The following ERC2 variants were observed in gnomAD, a reference collection of about 807,000 sequenced individuals.
The protein encoded by ERC2 is ERC protein 2.
ERC2 carries 42 observed loss-of-function variants against 114.8 expected under a neutral mutation model. The ratio of observed to expected loss-of-function variants is 0.37; its 90% CI spans 0.29 to 0.47. The LOEUF is 0.47. Among genes scored for constraint, ERC2 ranks in the 20% least tolerant of loss-of-function variants. The pLI, the probability that ERC2 is intolerant of heterozygous loss-of-function variation, is 0.99. For synonymous variants in ERC2, 454 were observed against 425.5 expected (o/e 1.07, Z -0.82); for missense variants, 939 against 1,150.7 (o/e 0.82, Z 2.66).
intron 3 of ERC2, among the ~76,000 whole-genome samples, chr3:56,202,100 CA>C (rs1383152751): frequency 1.3e-5 from 2 of 152,162 alleles, no homozygotes; most frequent in African/African-American, 4.8e-5. Context: ...GAGCACAGCA[CA>C]AGGTTTTAGC....
chr3:55,942,349 CG>C (rs1176966263), intron 13 of ERC2, among the ~76,000 whole-genome samples: 1 of 113,958 alleles, frequency 8.8e-6, no homozygotes, highest in African/African-American at 3.3e-5. Context: ...AGTGCAGTGG[CG>C]GGATCTCGGC....
At chr3:56,263,405 G>GA (rs1043917645) in intron 3 of ERC2, among the ~76,000 whole-genome samples, 105 of 150,662 alleles carry the variant, frequency 7.0e-4, no homozygotes, top group African/African-American at 2.5e-3. Context: ...AAAATAATAG[G>GA]AAGAACAGTT....
chr3:56,158,665 A>G (rs1165054702), intron 4 of ERC2, among the ~76,000 whole-genome samples: 1 of 152,170 alleles, frequency 6.6e-6, no homozygotes, highest in East Asian at 1.9e-4. Flanking sequence ...GTAAGCAGCA[A>G]GCAAAATTCT....
At chr3:55,771,815 C>T (rs1310978949) in intron 14 of ERC2, among the ~76,000 whole-genome samples, 3 of 152,224 alleles carry the variant, frequency 2.0e-5, no homozygotes, top group Non-Finnish European at 4.4e-5. Flanking sequence ...AGGCTCTCCA[C>T]CTGTAATGGG....
chr3:56,228,935 C>T (rs2050428734), intron 3 of ERC2, among the ~76,000 whole-genome samples: 3 of 152,072 alleles, frequency 2.0e-5, no homozygotes. Context: ...GGTTCCAGTT[C>T]ATGTTTTTGT....
intron 17 of ERC2, among the ~76,000 whole-genome samples, chr3:55,670,505 G>A (rs1167242402): frequency 1.3e-5 from 2 of 152,204 alleles, no homozygotes; most frequent in Admixed American, 6.5e-5. Context: ...TCACCATGGG[G>A]AATGCAATGT....
chr3:56,093,195 T>C (rs1208941987), intron 6 of ERC2, among the ~76,000 whole-genome samples: 1 of 152,222 alleles, frequency 6.6e-6, no homozygotes, highest in Non-Finnish European at 1.5e-5. Context: ...AGCGTTCTTA[T>C]GTTGTCTGTT....
At chr3:56,340,444 T>C (rs1201016974) in intron 2 of ERC2, among the ~76,000 whole-genome samples, 2 of 151,866 alleles carry the variant, frequency 1.3e-5, no homozygotes, top group Non-Finnish European at 2.9e-5. Context: ...TGAAATTAGG[T>C]AGCAATATTG....
At chr3:56,164,562 A>C (rs763919622) in intron 4 of ERC2, among the ~76,000 whole-genome samples, 1 of 152,012 alleles carries the variant, frequency 6.6e-6, no homozygotes, top group Non-Finnish European at 1.5e-5. Flanking sequence ...ACACTTGTGG[A>C]TAGTGTTTTG....
At chr3:55,695,191 A>T (rs934664990) in intron 16 of ERC2, among the ~76,000 whole-genome samples, 14 of 152,212 alleles carry the variant, frequency 9.2e-5, no homozygotes, top group Non-Finnish European at 1.9e-4. Context: ...GTAACCTAAG[A>T]AAAATCTCTA....
chr3:56,040,619 G>C (rs371846254), intron 7 of ERC2, among the ~76,000 whole-genome samples: 10 of 1,432 alleles, frequency 7.0e-3, no homozygotes, highest in African/African-American at 0.014. Flanking sequence ...ATAATATATA[G>C]ATGTATATGT....
chr3:55,739,493 C>A (rs1389757090), intron 14 of ERC2, among the ~76,000 whole-genome samples: 1 of 152,190 alleles, frequency 6.6e-6, no homozygotes, highest in Non-Finnish European at 1.5e-5. Flanking sequence ...TTTTGATTTG[C>A]ATTTCTCTGA....
intron 4 of ERC2, among the ~76,000 whole-genome samples, chr3:56,150,357 A>C (rs567278489): frequency 6.6e-6 from 1 of 152,284 alleles, no homozygotes; most frequent in African/African-American, 2.4e-5. Context: ...TCCTATGGCA[A>C]TATAGTAATT....
At chr3:56,129,675 T>C in intron 6 of ERC2, among the ~76,000 whole-genome samples, 1 of 152,216 alleles carries the variant, frequency 6.6e-6, no homozygotes, top group Non-Finnish European at 1.5e-5. Context: ...ATTGGCTAAT[T>C]GGATATTGTC....
chr3:56,306,908 A>C lies in ERC2; in HGVS notation c.658-10473T>G, dbSNP rs190736738. Among the ~76,000 whole-genome samples, 3 of 152,324 alleles carry C rather than the reference A, an allele frequency of 2.0e-5. No homozygotes were observed. In the East Asian group the frequency reaches 5.8e-4, roughly 29 times the overall value. Reference sequence around the variant, plus strand: ...ATGCAAGACCTACCTTACGTCACAGAGTACACACAAATCATAACTTCAGTG... The same window carrying C: ...ATGCAAGACCTACCTTACGTCACAGCGTACACACAAATCATAACTTCAGTG... On this transcript the variant is annotated intron_variant, in intron 2 of 17. Transcript: ENST00000288221.
At chr3:55,724,693 A>G (rs569061196) in intron 15 of ERC2, among the ~76,000 whole-genome samples, 112 of 152,320 alleles carry the variant, frequency 7.4e-4, no homozygotes, top group African/African-American at 2.6e-3. Context: ...TAGAAAAACA[A>G]TGATGAAAAG....
chr3:55,934,017 TA>T (rs371492643), intron 13 of ERC2, among the ~76,000 whole-genome samples: 26 of 152,180 alleles, frequency 1.7e-4, no homozygotes, highest in African/African-American at 6.3e-4. Flanking sequence ...CAAGCAAAAT[TA>T]AGGAGGCCAT....
In ERC2 at chr3:55,942,266, CTTTTTTTTTTTTTTTTT is replaced by C. The variant is rs56851837; in HGVS notation, c.2403+8142_2403+8158del. Among the ~76,000 whole-genome samples the C allele has an allele frequency of 5.0e-3, 212 of 42,104 alleles. 1 individual carries two copies. Among genetic ancestry groups the C allele is most frequent in the African/African-American group, 0.017 (198 of 11,856 alleles). The allele number at this position is 42,104 out of a possible 152,430, so 27.6% of individuals were successfully genotyped here. On this transcript the variant is annotated intron_variant, in intron 13 of 17. Transcript: ENST00000288221. ...TATTAAATGAAGTCTAAGGTCCTTT[CTTTTTTTTTTTTTTTTT>C]TTTTTTTTTTTTTTTTTTTTGTTGA...
At chr3:56,024,743 G>A (rs1276228586) in intron 7 of ERC2, among the ~76,000 whole-genome samples, 1 of 152,222 alleles carries the variant, frequency 6.6e-6, no homozygotes, top group African/African-American at 2.4e-5. Flanking sequence ...GAGAGCTCCA[G>A]TGTTAGCTCT....
Sources: allele counts gnomAD v4.1 joint callset (sites outside exome capture counted in the v4.1 genomes callset), GRCh38; gene constraint gnomAD v4.1.1; transcripts MANE v1.5; gene names NCBI Gene and HGNC (gene_info 2026-07-23, HGNC 2026-07-21).